The following MCTP1 variants were observed in gnomAD, a reference collection of about 807,000 sequenced individuals.
MCTP1 encodes the protein multiple C2 and transmembrane domain containing 1.
In MCTP1, 69 loss-of-function variants were observed where a neutral mutation model predicts 120.6. The observed-to-expected ratio is 0.57, with a 90% confidence interval of 0.47 to 0.70. MCTP1 has a LOEUF of 0.70. MCTP1 is among the 30% of genes least tolerant of loss of function. The probability of loss-of-function intolerance (pLI) is 0.00; values close to 1 mark genes in which losing one functional copy is unlikely to be tolerated. For synonymous variants in MCTP1, 529 were observed against 493.1 expected (o/e 1.07, Z -0.96); for missense variants, 1,203 against 1,248.8 (o/e 0.96, Z 0.55).
rs1343692173 is a variant in MCTP1 at position 95,195,401 on chromosome 5, AGAC to A, written c.720+88452_720+88454del. Among the ~76,000 whole-genome samples, 124 of 152,300 alleles carry A rather than the reference AGAC, an allele frequency of 8.1e-4. No individual in the cohort carries two copies. The Middle Eastern group carries it at 0.017, about 21-fold the overall frequency. ...CGGTGTTTCATGTCTGTTTCTGAGGAGACCAGGGGTACTGTGACAGACAAGGAG... is the reference window on the plus strand; with the variant it reads ...CGGTGTTTCATGTCTGTTTCTGAGGACAGGGGTACTGTGACAGACAAGGAG... On this transcript the variant is annotated intron_variant, in intron 1 of 22. Coordinates refer to ENST00000515393, the MANE Select transcript of MCTP1 (RefSeq NM_024717.7).
At chr5:95,031,661 T>C (rs1246597239) in intron 1 of MCTP1, among the ~76,000 whole-genome samples, 1 of 152,128 alleles carries the variant, frequency 6.6e-6, no homozygotes, top group Non-Finnish European at 1.5e-5. Flanking sequence ...AAAGAAAGAA[T>C]GTTATATGCT....
intron 6 of MCTP1, among the ~76,000 whole-genome samples, chr5:94,924,544 A>T (rs1812527269): frequency 6.6e-6 from 1 of 152,186 alleles, no homozygotes; most frequent in South Asian, 2.1e-4. Context: ...TTCGCTGACA[A>T]TAATTTTAAA....
At chr5:94,877,293 G>T (rs1374242202) in intron 12 of MCTP1, among the ~76,000 whole-genome samples, 1 of 151,924 alleles carries the variant, frequency 6.6e-6, no homozygotes, top group Non-Finnish European at 1.5e-5. Flanking sequence ...CTAGATATGT[G>T]TTACCTAACT....
chr5:95,264,548 G>A (rs373912445), intron 1 of MCTP1, among the ~76,000 whole-genome samples: 134 of 152,176 alleles, frequency 8.8e-4, no homozygotes, highest in Non-Finnish European at 1.4e-3. Context: ...AACCCCACGC[G>A]GGCACTGGAA....
At chr5:95,199,717 G>T (rs1750786572) in intron 1 of MCTP1, among the ~76,000 whole-genome samples, 1 of 151,500 alleles carries the variant, frequency 6.6e-6, no homozygotes, top group African/African-American at 2.4e-5. Context: ...AAATTAGCCG[G>T]GTGTGGTGGT....
At chr5:95,280,898 A>G (rs1334451834) in intron 1 of MCTP1, among the ~76,000 whole-genome samples, 1 of 152,006 alleles carries the variant, frequency 6.6e-6, no homozygotes, top group African/African-American at 2.4e-5. Context: ...TTTGCTTAAC[A>G]TCTCCACCCA....
At chr5:94,850,055 C>T (rs1308130364) in intron 17 of MCTP1, among the ~76,000 whole-genome samples, 4 of 152,190 alleles carry the variant, frequency 2.6e-5, no homozygotes, top group East Asian at 1.9e-4. Flanking sequence ...TTCAGAAGCA[C>T]GGCTTTTGTA....
At chr5:95,278,424 G>T (rs1231587242) in intron 1 of MCTP1, among the ~76,000 whole-genome samples, 1 of 152,106 alleles carries the variant, frequency 6.6e-6, no homozygotes, top group Non-Finnish European at 1.5e-5. Context: ...TCATAAACAG[G>T]TATGGTTTAT....
At chr5:95,040,536 C>T (rs1299297030) in intron 1 of MCTP1, among the ~76,000 whole-genome samples, 1 of 151,956 alleles carries the variant, frequency 6.6e-6, no homozygotes, top group Non-Finnish European at 1.5e-5. Flanking sequence ...TTCCGGATAA[C>T]TGCCTGGGAA....
intron 19 of MCTP1, among the ~76,000 whole-genome samples, chr5:94,718,335 T>G (rs1760021808): frequency 6.6e-6 from 1 of 151,778 alleles, no homozygotes; most frequent in South Asian, 2.1e-4. Context: ...TGGACCCCTT[T>G]CTTATAAAAA....
At chr5:94,953,160 C>A in intron 3 of MCTP1, 59 bp downstream of exon 3, 1 of 1,485,282 alleles carries the variant, frequency 6.7e-7, no homozygotes, top group African/African-American at 1.4e-5. Context: ...ATGATAAAAC[C>A]CAGTAAACAG....
At chr5:94,951,069 T>A (rs1442937670) in intron 3 of MCTP1, among the ~76,000 whole-genome samples, 1 of 152,076 alleles carries the variant, frequency 6.6e-6, no homozygotes, top group Non-Finnish European at 1.5e-5. Context: ...CTGAATAACA[T>A]ACATTGCACC....
intron 1 of MCTP1, among the ~76,000 whole-genome samples, chr5:95,071,892 T>A (rs918286060): frequency 6.6e-6 from 1 of 152,224 alleles, no homozygotes; most frequent in African/African-American, 2.4e-5. Context: ...TGATATATTT[T>A]ACTTCTCTGC....
intron 1 of MCTP1, among the ~76,000 whole-genome samples, chr5:95,089,308 A>T (rs1368213375): frequency 6.6e-6 from 1 of 152,192 alleles, no homozygotes; most frequent in Non-Finnish European, 1.5e-5. Context: ...AGAAATCTGA[A>T]ATGAAGCACA....
intron 7 of MCTP1, among the ~76,000 whole-genome samples, chr5:94,918,999 C>CT (rs1810869258): frequency 6.6e-6 from 1 of 152,058 alleles, no homozygotes; most frequent in African/African-American, 2.4e-5. Flanking sequence ...CCATGTCTCC[C>CT]TTTTTTTGAC....
At chr5:94,859,975 T>C (rs1392915259) in intron 17 of MCTP1, among the ~76,000 whole-genome samples, 3 of 151,716 alleles carry the variant, frequency 2.0e-5, no homozygotes, top group Non-Finnish European at 4.4e-5. Flanking sequence ...TGGCAGGAAC[T>C]GTATAGAATG....
At chr5:95,119,937 C>T (rs1758082602) in intron 1 of MCTP1, among the ~76,000 whole-genome samples, 1 of 151,828 alleles carries the variant, frequency 6.6e-6, no homozygotes, top group African/African-American at 2.4e-5. Context: ...CTTTGGGAGG[C>T]CGAGGTGGGC....
intron 1 of MCTP1, among the ~76,000 whole-genome samples, chr5:95,162,947 G>A (rs915796804): frequency 1.3e-5 from 2 of 152,104 alleles, no homozygotes; most frequent in Non-Finnish European, 2.9e-5. Flanking sequence ...AAATTGGAAA[G>A]CAATATTAGA....
At chr5:94,979,404 G>A (rs2153592275) in intron 2 of MCTP1, 1 of 152,226 alleles carries the variant, frequency 6.6e-6, no homozygotes, top group South Asian at 2.1e-4. Context: ...TGTATACGGT[G>A]ATCAGATGGG....
Sources: gnomAD v4.1 joint callset for allele counts (sites outside exome capture counted in the v4.1 genomes callset) on GRCh38, gnomAD v4.1.1 for gene constraint, MANE v1.5 for transcripts, NCBI Gene and HGNC (gene_info 2026-07-23, HGNC 2026-07-21) for gene names.